The following CCDC141 variants were observed in gnomAD, a reference collection of about 807,000 sequenced individuals.
The protein encoded by CCDC141 is coiled-coil domain containing 141.
In CCDC141, 168 loss-of-function variants were observed where a neutral mutation model predicts 181.0. The ratio of observed to expected loss-of-function variants is 0.93; its 90% CI spans 0.82 to 1.05. The LOEUF is 1.05. Ranked by LOEUF, CCDC141 falls within the 50% of genes least tolerant of loss-of-function variation. CCDC141 has a pLI of 0.00. For synonymous variants in CCDC141, 666 were observed against 642.3 expected, an observed-to-expected ratio of 1.04 and a Z score of -0.56; for missense variants, 1,902 against 1,788.5, an observed-to-expected ratio of 1.06 and a Z score of -1.14.
intron 8 of CCDC141, among the ~76,000 whole-genome samples, chr2:178,893,488 T>C (rs1687253429): frequency 6.6e-6 from 1 of 152,154 alleles, no homozygotes; most frequent in Non-Finnish European, 1.5e-5. Flanking sequence ...GCTTACTCTG[T>C]CTCATTGGGA....
intron 2 of CCDC141, among the ~76,000 whole-genome samples, chr2:178,983,442 G>A (rs1188478759): frequency 7.9e-5 from 12 of 152,196 alleles, no homozygotes. Flanking sequence ...CTCCTTACCA[G>A]CAATGGAACA....
chr2:179,024,708 T>G (rs1217849769), intron 2 of CCDC141, among the ~76,000 whole-genome samples: 1 of 152,230 alleles, frequency 6.6e-6, no homozygotes, highest in Non-Finnish European at 1.5e-5. Context: ...TCGACACTAC[T>G]CAATACTTCT....
intron 2 of CCDC141, among the ~76,000 whole-genome samples, chr2:179,006,658 T>G (rs529393332): frequency 6.6e-6 from 1 of 152,156 alleles, no homozygotes; most frequent in Non-Finnish European, 1.5e-5. Flanking sequence ...GTACAAGGGT[T>G]TAAAATTAGA....
Position 178,936,580 on chromosome 2 carries a change from C to A in CCDC141, c.897+7955G>T, listed in dbSNP as rs113752669. On this transcript the variant is annotated intron_variant, in intron 6 of 23. Transcript: ENST00000443758. Reference sequence around the variant, plus strand: ...TTTAGGATTGCCTTGGCTATTTGGGCTCTTTTTGATCTTATATGAATTTTA... The same window carrying A: ...TTTAGGATTGCCTTGGCTATTTGGGATCTTTTTGATCTTATATGAATTTTA... Among the ~76,000 whole-genome samples the A allele has an allele frequency of 3.5e-3, 529 of 152,090 alleles. 1 individual carries two copies. The highest frequency in any genetic ancestry group is 5.4e-3 in the Non-Finnish European group (366 of 67,958).
At chr2:179,017,805 A>G (rs12624252) in intron 2 of CCDC141, among the ~76,000 whole-genome samples, 14,214 of 152,142 alleles carry the variant, frequency 0.093, 979 homozygotes, top group Admixed American at 0.2. Flanking sequence ...TGGAATGCCC[A>G]GTTTACAGTG....
At chr2:178,864,645 C>A (rs1282325323) in intron 17 of CCDC141, among the ~76,000 whole-genome samples, 1 of 152,194 alleles carries the variant, frequency 6.6e-6, no homozygotes, top group Non-Finnish European at 1.5e-5. Context: ...CTCTGGTTTT[C>A]CTTCCAGCCA....
At chr2:178,899,146 A>G (rs1687558614) in intron 8 of CCDC141, among the ~76,000 whole-genome samples, 1 of 152,182 alleles carries the variant, frequency 6.6e-6, no homozygotes, top group Non-Finnish European at 1.5e-5. Flanking sequence ...CATGAATACC[A>G]TTGTGTTTCA....
chr2:178,897,573 G>A (rs1232536125), intron 8 of CCDC141, among the ~76,000 whole-genome samples: 1 of 152,190 alleles, frequency 6.6e-6, no homozygotes, highest in Non-Finnish European at 1.5e-5. Flanking sequence ...ATTCAGTTAG[G>A]ATGAGGCATA....
At chr2:178,961,763 G>A (rs1010059039) in intron 4 of CCDC141, among the ~76,000 whole-genome samples, 11 of 152,156 alleles carry the variant, frequency 7.2e-5, no homozygotes, top group Admixed American at 2.6e-4. Flanking sequence ...TAGAATGAGC[G>A]TGGGATTTTG....
intron 2 of CCDC141, among the ~76,000 whole-genome samples, chr2:179,024,824 G>A (rs2042787437): frequency 6.6e-6 from 1 of 151,064 alleles, no homozygotes; most frequent in Non-Finnish European, 1.5e-5. Context: ...GCACTTTAAT[G>A]TTGTTGTTTA....
rs181190537 is a variant in CCDC141 at position 178,837,079 on chromosome 2, C to T, written c.4140G>A (p.Arg1380=). 42 of 1,613,972 alleles carry T rather than the reference C, an allele frequency of 2.6e-5. No homozygotes were observed. The East Asian group carries it at 6.5e-4, about 25-fold the overall frequency. The change falls in exon 23 of 24, where the codon AGG becomes AGA. Residue 1380 remains arginine (R), a synonymous_variant. Coordinates refer to ENST00000443758, the MANE Select transcript of CCDC141 (RefSeq NM_173648.4). The part of the protein sequence containing the change: ...SGLRFQSGTS[R]GYQRQMVPRE... ...GAGGAACCATTTGCCTCTGATAGCCCCTGCTGGTGCCTGATTGAAACCTGA... is the reference window on the plus strand; with the variant it reads ...GAGGAACCATTTGCCTCTGATAGCCTCTGCTGGTGCCTGATTGAAACCTGA...
intron 6 of CCDC141, among the ~76,000 whole-genome samples, chr2:178,927,744 G>C (rs1296042305): frequency 6.6e-6 from 1 of 152,146 alleles, no homozygotes; most frequent in East Asian, 1.9e-4. Flanking sequence ...AGAATGAAAA[G>C]AGATATAAAG....
chr2:178,998,257 A>G (rs1692378300), intron 2 of CCDC141, among the ~76,000 whole-genome samples: 1 of 152,074 alleles, frequency 6.6e-6, no homozygotes, highest in Admixed American at 6.5e-5. Flanking sequence ...CCAAACTGTC[A>G]CTTGTTCAAA....
At chr2:178,840,045 C>T (rs1684658824) in intron 22 of CCDC141, among the ~76,000 whole-genome samples, 1 of 152,200 alleles carries the variant, frequency 6.6e-6, no homozygotes, top group South Asian at 2.1e-4. Flanking sequence ...TAGCAAAGAT[C>T]TGCCTTCCTG....
chr2:178,986,688 G>A (rs1203928042), intron 2 of CCDC141, among the ~76,000 whole-genome samples: 2 of 151,706 alleles, frequency 1.3e-5, no homozygotes, highest in Non-Finnish European at 2.9e-5. Context: ...CAAACAGAGA[G>A]CCAAATCATG....
At chr2:179,024,669 C>T (rs181572302) in intron 2 of CCDC141, among the ~76,000 whole-genome samples, 48 of 152,292 alleles carry the variant, frequency 3.2e-4, no homozygotes, top group South Asian at 2.1e-3. Context: ...TCAGAGCTCA[C>T]GTCAGCTTCC....
At position 178,855,515 on chromosome 2, in the gene CCDC141, A is replaced by G. The variant is rs1447628946; in HGVS notation, c.2892T>C (p.Val964=). Reference sequence around the variant, plus strand: ...AGAAAGAATCAGAGGTTTTATTACTAACTTTTTCCATTTTCCTTTTCAAAG... The same window carrying G: ...AGAAAGAATCAGAGGTTTTATTACTGACTTTTTCCATTTTCCTTTTCAAAG... The part of the protein sequence containing the change: ...MQALKRKMEK[V]SNKTSDSFLN... Residue 964 remains valine (V), a synonymous_variant, in exon 19 of 24, where the codon GTT becomes GTC. Transcript: ENST00000443758. The G allele has an allele frequency of 1.3e-6, 2 of 1,589,642 alleles. No individual in the cohort carries two copies. The highest frequency in any genetic ancestry group is 2.4e-5 in the South Asian group (2 of 84,364).
chr2:178,987,405 T>C (rs1367564586), intron 2 of CCDC141, among the ~76,000 whole-genome samples: 1 of 152,060 alleles, frequency 6.6e-6, no homozygotes, highest in East Asian at 1.9e-4. Context: ...GACATAGGCA[T>C]GTGCAAGGAC....
chr2:178,869,118 T>A lies in CCDC141; in HGVS notation c.2393A>T (p.Glu798Val). ...TCAGACATCCCTTCTAAGCCTTACC[T>A]CTTCCTTGACTTGATGGAACTGGAC... ...KVVQFHQVKE[E>V]LGRLIKSREL... Residue 798 changes from glutamate (E) to valine (V), a missense_variant and splice_region_variant, in exon 15 of 24, where the codon GAG becomes GTG. Physicochemically the swap from Glu to Val is moderately radical, Grantham distance 121 (BLOSUM62 -2). Coordinates refer to ENST00000443758, the MANE Select transcript of CCDC141 (RefSeq NM_173648.4). 6.4e-7 allele frequency: 1 copy of A among 1,564,484 alleles called. No homozygotes were observed. Among genetic ancestry groups the A allele is most frequent in the Non-Finnish European group, 8.6e-7 (1 of 1,161,080 alleles).
Sources: gnomAD v4.1 joint callset for allele counts (sites outside exome capture counted in the v4.1 genomes callset) on GRCh38, gnomAD v4.1.1 for gene constraint, MANE v1.5 for transcripts, NCBI Gene and HGNC (gene_info 2026-07-23, HGNC 2026-07-21) for gene names.